The following PRRX2 variants were observed in gnomAD, a reference collection of about 807,000 sequenced individuals.
The protein encoded by PRRX2 is paired mesoderm homeobox protein 2.
In PRRX2, 11 loss-of-function variants were observed where a neutral mutation model predicts 18.0. The observed-to-expected ratio is 0.61, with a 90% CI of 0.39 to 1.01. The LOEUF (loss-of-function observed/expected upper bound fraction) is 1.01, where lower values mean the gene tolerates loss of function less well. PRRX2 is among the 50% of genes least tolerant of loss of function. The probability of loss-of-function intolerance (pLI) is 0.01; values close to 1 mark genes in which losing one functional copy is unlikely to be tolerated. For missense variants in PRRX2, 387 were observed against 351.0 expected, an observed-to-expected ratio of 1.10 and a Z score of -0.82; for synonymous variants, 177 against 154.8, an observed-to-expected ratio of 1.14 and a Z score of -1.06.
intron 1 of PRRX2, among the ~76,000 whole-genome samples, chr9:129,687,422 A>G (rs1324446632): frequency 6.6e-6 from 1 of 152,026 alleles, no homozygotes; most frequent in Non-Finnish European, 1.5e-5. Flanking sequence ...TCATCTCAGA[A>G]TCCTTACAAT....
intron 1 of PRRX2, among the ~76,000 whole-genome samples, chr9:129,690,146 A>G (rs1832344095): frequency 6.6e-6 from 1 of 151,960 alleles, no homozygotes; most frequent in African/African-American, 2.4e-5. Context: ...TGCTGCCTTC[A>G]TCCCTCCCAC....
chr9:129,719,185 G>A (rs575925541), intron 1 of PRRX2, 46 bp from the exon 2 acceptor site: 1 of 1,479,130 alleles, frequency 6.8e-7, no homozygotes, highest in East Asian at 2.4e-5. Context: ...TGTGACTGTA[G>A]CCACTGGCCG....
chr9:129,698,657 GGCC>G (rs779031603), intron 1 of PRRX2, among the ~76,000 whole-genome samples: 17 of 152,218 alleles, frequency 1.1e-4, no homozygotes, highest in Non-Finnish European at 2.4e-4. Context: ...CCAAGGCTTT[GGCC>G]ATTTGTCAGT....
chr9:129,685,076 C>T (rs1832286045), intron 1 of PRRX2, among the ~76,000 whole-genome samples: 1 of 152,186 alleles, frequency 6.6e-6, no homozygotes, highest in South Asian at 2.1e-4. Flanking sequence ...TCTCCCTGGG[C>T]TGAGGGCATC....
chr9:129,712,789 A>T (rs1832643228), intron 1 of PRRX2: 1 of 152,228 alleles, frequency 6.6e-6, no homozygotes, highest in Non-Finnish European at 1.5e-5. Flanking sequence ...CTTTTCCTGA[A>T]CAAAAAGAGA....
intron 1 of PRRX2, among the ~76,000 whole-genome samples, chr9:129,669,913 T>G (rs1832078707): frequency 6.6e-6 from 1 of 151,788 alleles, no homozygotes; most frequent in Non-Finnish European, 1.5e-5. Flanking sequence ...TCCGTTCACA[T>G]TGTCGTGCAG....
intron 1 of PRRX2, among the ~76,000 whole-genome samples, chr9:129,688,828 ACT>A (rs1032949869): frequency 1.3e-5 from 2 of 151,594 alleles, no homozygotes; most frequent in African/African-American, 4.9e-5. Flanking sequence ...CCCATTGTTT[ACT>A]CTCTTCACCA....
intron 1 of PRRX2, among the ~76,000 whole-genome samples, chr9:129,714,664 T>C (rs1832679921): frequency 6.6e-6 from 1 of 152,202 alleles, no homozygotes; most frequent in East Asian, 1.9e-4. Flanking sequence ...ATGAGGATTT[T>C]GGCTCCATGT....
intron 1 of PRRX2, among the ~76,000 whole-genome samples, chr9:129,677,969 T>C (rs1395773486): frequency 2.8e-5 from 4 of 144,992 alleles, no homozygotes; most frequent in Non-Finnish European, 4.5e-5. Context: ...TTTTTTTTTT[T>C]TTTTTTTTTT....
chr9:129,722,463 C>A lies in PRRX2; in HGVS notation c.*111C>A. ...GGATGAGCTCTCCTGGCCCGTCTGT[C>A]CAGCCTGGACTCCCGAGCCCACGAG... is the stretch of plus-strand genomic sequence containing the variant. On this transcript the variant is annotated 3_prime_UTR_variant, in exon 4 of 4. Coordinates refer to ENST00000372469, the MANE Select transcript of PRRX2 (RefSeq NM_016307.4). 1 of 1,286,142 alleles carries A rather than the reference C, an allele frequency of 7.8e-7. No individual in the cohort carries two copies. The highest frequency in any genetic ancestry group is 1.0e-6 in the Non-Finnish European group (1 of 982,540). 79.7% of individuals were successfully genotyped at this position (1,286,142 alleles called of 1,614,324 possible).
Position 129,665,758 on chromosome 9 carries a change from G to A in PRRX2, c.-110G>A. 2.4e-6 allele frequency: 2 copies of A among 819,760 alleles called. No homozygotes were observed. Among genetic ancestry groups the A allele is most frequent in the Non-Finnish European group, 1.5e-6 (1 of 675,516 alleles). 50.8% of individuals were successfully genotyped at this position (819,760 alleles called of 1,614,324 possible). On this transcript the variant is annotated 5_prime_UTR_variant, in exon 1 of 4. Coordinates refer to ENST00000372469, the MANE Select transcript of PRRX2 (RefSeq NM_016307.4). This position sits in a 1 kb window ranked among gnomAD's most constrained non-coding sequence, Gnocchi z 5.3. The stretch of plus-strand genomic sequence containing the variant: ...GCCGCGAGGCTAGGAGGCGGCGGGA[G>A]CTGGGCAGAGCGCGGGGCGGCCGGG...
At chr9:129,682,383 A>G (rs1473555841) in intron 1 of PRRX2, among the ~76,000 whole-genome samples, 1 of 152,056 alleles carries the variant, frequency 6.6e-6, no homozygotes, top group African/African-American at 2.4e-5. Flanking sequence ...GAGGGCCCCT[A>G]AGAGAGGAGG....
chr9:129,666,839 G>A (rs1489300977), intron 1 of PRRX2, among the ~76,000 whole-genome samples: 1 of 152,190 alleles, frequency 6.6e-6, no homozygotes, highest in Non-Finnish European at 1.5e-5. Flanking sequence ...CGGAGTCCTC[G>A]CGGCTCAGCA....
intron 1 of PRRX2, among the ~76,000 whole-genome samples, chr9:129,718,278 T>C (rs1423151773): frequency 1.3e-5 from 2 of 152,150 alleles, no homozygotes; most frequent in Non-Finnish European, 2.9e-5. Context: ...GGAGAACTCT[T>C]GGGGATCCTT....
chr9:129,674,606 A>AC (rs35407164), intron 1 of PRRX2, among the ~76,000 whole-genome samples: 27 of 151,392 alleles, frequency 1.8e-4, no homozygotes, highest in Non-Finnish European at 3.2e-4. Flanking sequence ...CCACAGAGGG[A>AC]CCCCCCCGCC....
chr9:129,703,160 G>C (rs1271236065), intron 1 of PRRX2, among the ~76,000 whole-genome samples: 5 of 152,246 alleles, frequency 3.3e-5, no homozygotes, highest in Non-Finnish European at 7.3e-5. Flanking sequence ...TGTCCTGGGT[G>C]GGGCACAGCA....
At chr9:129,698,762 A>C (rs1008918175) in intron 1 of PRRX2, among the ~76,000 whole-genome samples, 5 of 152,194 alleles carry the variant, frequency 3.3e-5, no homozygotes, top group Non-Finnish European at 7.3e-5. Context: ...ACAGGCCCAG[A>C]GAGGAGCGGT....
chr9:129,710,986 C>T (rs1832610898), intron 1 of PRRX2, among the ~76,000 whole-genome samples: 1 of 152,138 alleles, frequency 6.6e-6, no homozygotes, highest in Non-Finnish European at 1.5e-5. Context: ...TGGGCCTGCA[C>T]ACATCCTTAA....
At chr9:129,689,310 G>A (rs563535030) in intron 1 of PRRX2, among the ~76,000 whole-genome samples, 2 of 152,310 alleles carry the variant, frequency 1.3e-5, no homozygotes, top group African/African-American at 4.8e-5. Flanking sequence ...GTTTGGAAAA[G>A]GGGAGTAAGT....
Sources: gnomAD v4.1 joint callset for allele counts (sites outside exome capture counted in the v4.1 genomes callset) on GRCh38, gnomAD v4.1.1 for gene constraint, Gnocchi (gnomAD v3.1) non-coding constraint, MANE v1.5 for transcripts, NCBI Gene and HGNC (gene_info 2026-07-23, HGNC 2026-07-21) for gene names.